Variants in EVI5 observed in about 807,000 individuals in gnomAD.
EVI5 encodes the protein ecotropic viral integration site 5 protein homolog.
EVI5 carries 73 observed loss-of-function variants against 112.0 expected under a neutral mutation model. The ratio of observed to expected loss-of-function variants is 0.65; its 90% CI spans 0.54 to 0.79. EVI5 has a LOEUF of 0.79. Among genes scored for constraint, EVI5 ranks in the 30% least tolerant of loss-of-function variants. EVI5 has a pLI of 0.00. For synonymous variants in EVI5, 305 were observed against 319.9 expected (o/e 0.95, Z 0.50); for missense variants, 900 against 968.8 (o/e 0.93, Z 0.94).
At chr1:92,536,231 G>A (rs190261267) in intron 19 of EVI5, among the ~76,000 whole-genome samples, 13 of 152,142 alleles carry the variant, frequency 8.5e-5, no homozygotes, top group African/African-American at 1.7e-4. Flanking sequence ...TAAAGAGATC[G>A]GATTTTAGAA....
intron 14 of EVI5, among the ~76,000 whole-genome samples, chr1:92,633,934 T>C (rs1047442908): frequency 6.6e-6 from 1 of 152,232 alleles, no homozygotes; most frequent in African/African-American, 2.4e-5. Context: ...TCTCCTTCAC[T>C]TATGAAGCTT....
At chr1:92,554,812 A>G (rs1667445090) in intron 19 of EVI5, among the ~76,000 whole-genome samples, 2 of 152,060 alleles carry the variant, frequency 1.3e-5, no homozygotes, top group South Asian at 2.1e-4. Flanking sequence ...CTACAAAAAC[A>G]AAAACAAAAA....
intron 1 of EVI5, among the ~76,000 whole-genome samples, chr1:92,770,634 C>T (rs1389033714): frequency 1.3e-5 from 2 of 151,632 alleles, no homozygotes; most frequent in African/African-American, 4.8e-5. Context: ...ACTAAAAATA[C>T]CAAAAATTAG....
intron 2 of EVI5, among the ~76,000 whole-genome samples, chr1:92,724,858 T>C (rs1400383930): frequency 1.3e-5 from 2 of 152,006 alleles, no homozygotes; most frequent in African/African-American, 2.4e-5. Context: ...ACAGGCAGCA[T>C]TGGAGAAGAA....
At chr1:92,542,411 CTTCCTCCACTGAAGTCTT>C (rs1228197246) in intron 19 of EVI5, among the ~76,000 whole-genome samples, 1 of 152,224 alleles carries the variant, frequency 6.6e-6, no homozygotes, top group Non-Finnish European at 1.5e-5. Flanking sequence ...TCTGCAGTGA[CTTCCTCCACTGAAGTCTT>C]CAATCCCTCA....
At chr1:92,615,058 G>A (rs1430740611) in intron 16 of EVI5, among the ~76,000 whole-genome samples, 1 of 151,882 alleles carries the variant, frequency 6.6e-6, no homozygotes, top group Non-Finnish European at 1.5e-5. Context: ...ACCCAAAAAT[G>A]CTAAGGACTC....
chr1:92,623,471 G>A (rs1343372321), intron 16 of EVI5, among the ~76,000 whole-genome samples: 1 of 152,144 alleles, frequency 6.6e-6, no homozygotes, highest in Non-Finnish European at 1.5e-5. Context: ...TGTACCACAT[G>A]AAAACCAAAT....
rs149946750 is a variant in EVI5 at position 92,652,937 on chromosome 1, T to C, written c.1392+9782A>G. Among the ~76,000 whole-genome samples the C allele has an allele frequency of 3.7e-3, 560 of 152,212 alleles. 4 individuals carry two copies. The highest frequency in any genetic ancestry group is 4.5e-3 in the Non-Finnish European group (307 of 67,994). On this transcript the variant is annotated intron_variant, in intron 13 of 19. Transcript: ENST00000684568. ...ATTTGGTATCTAGTCAAAAGGGTAG[T>C]TGGGAGTGTTTGGGCTCCTCTTTAA...
intron 18 of EVI5, among the ~76,000 whole-genome samples, chr1:92,589,514 A>C (rs1673396801): frequency 6.6e-6 from 1 of 152,158 alleles, no homozygotes; most frequent in Non-Finnish European, 1.5e-5. Context: ...AGTCTCGCTC[A>C]TTGCTAGCAC....
intron 14 of EVI5, among the ~76,000 whole-genome samples, chr1:92,632,559 A>C (rs7521267): frequency 0.92 from 139,923 of 151,860 alleles, 64,544 homozygotes; most frequent in East Asian, 0.97. Context: ...CTATTTGATT[A>C]TTCTCTCTTT....
At chr1:92,546,833 C>T (rs1035997004) in intron 19 of EVI5, among the ~76,000 whole-genome samples, 2 of 152,152 alleles carry the variant, frequency 1.3e-5, no homozygotes, top group African/African-American at 4.8e-5. Flanking sequence ...TACAGGAGCA[C>T]CCAGATTCAT....
chr1:92,616,907 G>C (rs895346613), intron 16 of EVI5, among the ~76,000 whole-genome samples: 1 of 152,224 alleles, frequency 6.6e-6, no homozygotes, highest in African/African-American at 2.4e-5. Context: ...TCAAATGGAA[G>C]TGGTATGTAC....
intron 13 of EVI5, among the ~76,000 whole-genome samples, chr1:92,661,622 A>G (rs1664031886): frequency 6.6e-6 from 1 of 152,076 alleles, no homozygotes; most frequent in Non-Finnish European, 1.5e-5. Flanking sequence ...GTGGAGCAAA[A>G]TATGAGTTCC....
intron 13 of EVI5, among the ~76,000 whole-genome samples, chr1:92,641,535 AAAT>A (rs1379077956): frequency 2.6e-5 from 4 of 152,340 alleles, no homozygotes; most frequent in East Asian, 1.9e-4. Flanking sequence ...TCCCAAAACA[AAAT>A]AATGATACAA....
intron 19 of EVI5, among the ~76,000 whole-genome samples, chr1:92,526,731 G>C (rs1055150343): frequency 9.2e-5 from 14 of 152,264 alleles, no homozygotes; most frequent in Admixed American, 2.0e-4. Context: ...ACAGGGGATT[G>C]TTAGGCAGTG....
chr1:92,523,001 C>T (rs1198604308), intron 19 of EVI5, among the ~76,000 whole-genome samples: 1 of 152,104 alleles, frequency 6.6e-6, no homozygotes, highest in Non-Finnish European at 1.5e-5. Flanking sequence ...TCAAGCAATT[C>T]CCTCACCTCA....
intron 16 of EVI5, among the ~76,000 whole-genome samples, chr1:92,616,320 G>A (rs910132257): frequency 2.0e-5 from 3 of 152,122 alleles, no homozygotes; most frequent in Non-Finnish European, 4.4e-5. Context: ...CAGATCTAAT[G>A]GTGGGAACCG....
chr1:92,622,298 C>T (rs34324830), intron 16 of EVI5: 33,350 of 444,560 alleles, frequency 0.075, 1,579 homozygotes, highest in Non-Finnish European at 0.1. Flanking sequence ...TGGTTTTACG[C>T]ATTAAAAAAT....
At chr1:92,570,170 C>G (rs1670118449) in intron 18 of EVI5, among the ~76,000 whole-genome samples, 1 of 152,188 alleles carries the variant, frequency 6.6e-6, no homozygotes, top group Non-Finnish European at 1.5e-5. Context: ...AGGAGGTATT[C>G]TCCAAATCCC....
Sources: allele counts gnomAD v4.1 joint callset (sites outside exome capture counted in the v4.1 genomes callset), GRCh38; gene constraint gnomAD v4.1.1; transcripts MANE v1.5; gene names NCBI Gene and HGNC (gene_info 2026-07-23, HGNC 2026-07-21).